Variants in SEH1L observed in about 807,000 individuals in gnomAD.
SEH1L encodes nucleoporin SEH1.
SEH1L carries 18 observed loss-of-function variants against 49.5 expected under a neutral mutation model. The observed-to-expected ratio is 0.36, with a 90% CI of 0.25 to 0.54. The LOEUF (loss-of-function observed/expected upper bound fraction) is 0.54, where lower values mean the gene tolerates loss of function less well. Ranked by LOEUF, SEH1L falls within the 20% of genes least tolerant of loss-of-function variation. The pLI is 0.87. For synonymous variants in SEH1L, 169 were observed against 178.1 expected, an observed-to-expected ratio of 0.95 and a Z score of 0.41; for missense variants, 404 against 528.8, an observed-to-expected ratio of 0.76 and a Z score of 2.31.
intron 2 of SEH1L, among the ~76,000 whole-genome samples, chr18:12,953,740 T>C (rs934819556): frequency 2.0e-5 from 3 of 152,246 alleles, no homozygotes; most frequent in Admixed American, 6.5e-5. Context: ...TCATTTACAG[T>C]GTTGTGTAAC....
intron 2 of SEH1L, among the ~76,000 whole-genome samples, chr18:12,954,814 A>G (rs962994243): frequency 1.5e-4 from 23 of 152,344 alleles, no homozygotes; most frequent in African/African-American, 4.3e-4. Flanking sequence ...TATAATTTAC[A>G]TATCATAATG....
intron 6 of SEH1L, 107 bp from the exon 7 acceptor site, chr18:12,982,411 A>C (rs1294000273): frequency 3.9e-6 from 3 of 759,708 alleles, no homozygotes; most frequent in Non-Finnish European, 2.0e-6. Context: ...TGGCGAGACC[A>C]CTTGTATTAA....
At chr18:12,986,059 A>T in intron 8 of SEH1L, 1 of 982,952 alleles carries the variant, frequency 1.0e-6, no homozygotes, top group Non-Finnish European at 1.2e-6. Flanking sequence ...AAATTTGGAC[A>T]CACACTATTA....
At position 12,971,258 on chromosome 18, in the gene SEH1L, C is replaced by T; in HGVS notation, c.620+7C>T. The T allele has an allele frequency of 1.9e-6, 3 of 1,572,822 alleles. No homozygotes were observed. Among genetic ancestry groups the T allele is most frequent in the Non-Finnish European group, 2.6e-6 (3 of 1,144,162 alleles). On this transcript the variant is annotated splice_region_variant and intron_variant, in intron 5 of 8. Transcript: ENST00000399892. Reference sequence around the variant, plus strand: ...AATATAATGAAAACACCAGGTCAGTCCTGCTTTGGTTTTAATAATTGTTCA... The same window carrying T: ...AATATAATGAAAACACCAGGTCAGTTCTGCTTTGGTTTTAATAATTGTTCA...
Position 12,984,142 on chromosome 18 carries a change from C to A in SEH1L, c.1022C>A (p.Ser341Ter). The A allele has an allele frequency of 6.2e-7, 1 of 1,613,956 alleles. No individual in the cohort carries two copies. ...GGAACCTCAAATCCTTCCCTAGGTTCAACTATTCCAAGTCTTCAGAATTCA... is the reference window on the plus strand; with the variant it reads ...GGAACCTCAAATCCTTCCCTAGGTTAAACTATTCCAAGTCTTCAGAATTCA... The part of the protein sequence containing the change: ...QQGTSNPSLG[S>*]TIPSLQNSLN... The change falls in exon 8 of 9, where the codon TCA becomes TAA. Residue 341 changes from serine (S) to a stop codon, truncating the protein, a stop_gained. Coordinates refer to ENST00000399892, the MANE Select transcript of SEH1L (RefSeq NM_001013437.2). LOFTEE classifies it high-confidence loss of function.
At position 12,964,062 on chromosome 18, in the gene SEH1L, A is replaced by T. The variant is rs2031321917; in HGVS notation, c.521+691A>T. Among the ~76,000 whole-genome samples the T allele has an allele frequency of 2.0e-5, 3 of 152,292 alleles. No homozygotes were observed. In the South Asian group the frequency reaches 6.2e-4, roughly 32 times the overall value. On this transcript the variant is annotated intron_variant, in intron 4 of 8. Coordinates refer to ENST00000399892, the MANE Select transcript of SEH1L (RefSeq NM_001013437.2). ...TGCAATTAGCTTTTTTCACTTAAAGATACATTGTGGGCATTTTTCCATATA... is the reference window on the plus strand; with the variant it reads ...TGCAATTAGCTTTTTTCACTTAAAGTTACATTGTGGGCATTTTTCCATATA...
At chr18:12,967,900 C>T (rs768844107) in intron 4 of SEH1L, among the ~76,000 whole-genome samples, 2 of 148,196 alleles carry the variant, frequency 1.3e-5, no homozygotes, top group Non-Finnish European at 3.0e-5. Context: ...GGCAACAGAG[C>T]GAGACTGTCT....
chr18:12,982,136 G>A (rs1040605844), intron 6 of SEH1L, among the ~76,000 whole-genome samples: 7 of 152,096 alleles, frequency 4.6e-5, no homozygotes, highest in Non-Finnish European at 8.8e-5. Flanking sequence ...AAAGTGCTGC[G>A]ATTACAGGTG....
chr18:12,976,504 G>A (rs529083215), intron 5 of SEH1L: 1 of 152,368 alleles, frequency 6.6e-6, no homozygotes, highest in Non-Finnish European at 1.5e-5. Context: ...CTTGCTGAAG[G>A]TCGTTACAGC....
chr18:12,980,023 G>A (rs1260833132), intron 6 of SEH1L, among the ~76,000 whole-genome samples: 1 of 132,130 alleles, frequency 7.6e-6, no homozygotes, highest in African/African-American at 2.8e-5. Flanking sequence ...CCTCCCTCCC[G>A]GACGGGCGGC....
intron 6 of SEH1L, among the ~76,000 whole-genome samples, chr18:12,981,525 G>A (rs915784805): frequency 1.3e-5 from 2 of 152,248 alleles, no homozygotes; most frequent in African/African-American, 4.8e-5. Flanking sequence ...AACACCTACA[G>A]TTACTTTTAA....
Position 12,948,464 on chromosome 18 carries a change from G to T in SEH1L, c.111+232G>T, listed in dbSNP as rs1396839487. The T allele has an allele frequency of 1.2e-5, 5 of 400,094 alleles. No individual in the cohort carries two copies. In the South Asian group the frequency reaches 1.8e-4, roughly 15 times the overall value. 24.8% of individuals were successfully genotyped at this position (400,094 alleles called of 1,614,324 possible). On this transcript the variant is annotated intron_variant, in intron 1 of 8. Coordinates refer to ENST00000399892, the MANE Select transcript of SEH1L (RefSeq NM_001013437.2). ...CCTGCGCAGCTGGTGCCACGTGCGC[G>T]CTCCCGCCCGCAGGGTACGCCGGGC... is the stretch of plus-strand genomic sequence containing the variant.
chr18:12,954,776 T>A (rs2030754347), intron 2 of SEH1L, among the ~76,000 whole-genome samples: 1 of 152,196 alleles, frequency 6.6e-6, no homozygotes, highest in Non-Finnish European at 1.5e-5. Context: ...TTGAATCAAA[T>A]GAAAAAAAAG....
chr18:12,949,459 T>TG (rs1363376221), intron 1 of SEH1L, among the ~76,000 whole-genome samples: 2 of 128,364 alleles, frequency 1.6e-5, no homozygotes, highest in Non-Finnish European at 3.3e-5. Context: ...TTTTTTTTTT[T>TG]TTTTTTTTTT....
rs2030215717 is a variant in SEH1L, at chr18:12,948,019, C to T, written c.-103C>T. On this transcript the variant is annotated 5_prime_UTR_variant, in exon 1 of 9. Transcript: ENST00000399892. ...GGTGCGGGGGCGTGGGCAGCACAAGCCGTGCGCTCCCGGGCTGCGAGGTCT... is the reference window on the plus strand; with the variant it reads ...GGTGCGGGGGCGTGGGCAGCACAAGTCGTGCGCTCCCGGGCTGCGAGGTCT... 5 of 769,450 alleles carry T rather than the reference C, an allele frequency of 6.5e-6. No individual in the cohort carries two copies. Among genetic ancestry groups the T allele is most frequent in the East Asian group, 5.6e-5 (2 of 35,788 alleles). The allele number at this position is 769,450 out of a possible 1,614,324, so 47.7% of individuals were successfully genotyped here.
rs760895225 is a variant in SEH1L at position 12,951,888 on chromosome 18, T to G, written c.145T>G (p.Cys49Gly). ...WDKSESGDWH[C>G]TASWKTHSGS... ...TAAAAGTGAAAGTGGTGATTGGCAT[T>G]GTACTGCTAGCTGGAAGGTTAGTAT... The change falls in exon 2 of 9, where the codon TGT becomes GGT. Residue 49 changes from cysteine (C) to glycine (G), a missense_variant. By Grantham distance (159) the Cys-to-Gly change is radical. This residue lies in a region of SEH1L where 57 missense variants were observed against 71.9 expected (regional missense o/e 0.79). Coordinates refer to ENST00000399892, the MANE Select transcript of SEH1L (RefSeq NM_001013437.2). 6.4e-7 allele frequency: 1 copy of G among 1,566,856 alleles called. No homozygotes were observed. The highest frequency in any genetic ancestry group is 1.2e-5 in the South Asian group (1 of 84,892).
intron 6 of SEH1L, among the ~76,000 whole-genome samples, chr18:12,981,850 ATTTTTTTT>A (rs554886753): frequency 1.4e-4 from 12 of 88,190 alleles, no homozygotes; most frequent in African/African-American, 2.8e-4. Context: ...TGCCCTGCCC[ATTTTTTTT>A]TTTTTTTTTT....
chr18:12,980,009 C>G (rs1380498179), intron 6 of SEH1L, among the ~76,000 whole-genome samples: 3 of 140,124 alleles, frequency 2.1e-5, no homozygotes, highest in Admixed American at 2.1e-4. Context: ...GGCTGACCCC[C>G]CCACCTCCCT....
chr18:12,983,698 T>G (rs1469633629), intron 7 of SEH1L, among the ~76,000 whole-genome samples: 2 of 152,220 alleles, frequency 1.3e-5, no homozygotes, highest in Admixed American at 1.3e-4. Flanking sequence ...CATATGTAAG[T>G]GAAATTCATT....
Sources: allele counts gnomAD v4.1 joint callset (sites outside exome capture counted in the v4.1 genomes callset), GRCh38; gene constraint gnomAD v4.1.1; regional missense constraint gnomAD v4.1.1; transcripts MANE v1.5; gene names NCBI Gene and HGNC (gene_info 2026-07-23, HGNC 2026-07-21).